GASK1A: variants seen among roughly 807,000 people sequenced by gnomAD.
The protein encoded by GASK1A is Golgi-associated kinase 1A.
In GASK1A, 40 loss-of-function variants were observed where a neutral mutation model predicts 41.2. That is an observed-to-expected ratio of 0.97 (90% CI 0.75 to 1.27). The LOEUF (loss-of-function observed/expected upper bound fraction) is 1.27. GASK1A is among the 50% of genes most tolerant of loss of function. The pLI is 0.00. For missense variants in GASK1A, 678 were observed against 745.1 expected (o/e 0.91, Z 1.05); for synonymous variants, 316 against 307.1 (o/e 1.03, Z -0.30).
chr3:43,027,461 A>T (rs2125684951), intron 1 of GASK1A, among the ~76,000 whole-genome samples: 1 of 152,348 alleles, frequency 6.6e-6, no homozygotes, highest in Non-Finnish European at 1.5e-5. Flanking sequence ...AAAGAATATC[A>T]TTTAAAGCTG....
intron 2 of GASK1A, 55 bp from the exon 3 acceptor site, chr3:43,053,466 C>A: frequency 6.7e-7 from 1 of 1,488,570 alleles, no homozygotes; most frequent in Non-Finnish European, 9.0e-7. Context: ...CCATGCTATG[C>A]CTGGTGGAGG....
At position 43,056,279 on chromosome 3, in the gene GASK1A, G is replaced by A. The variant is rs1334281522; in HGVS notation, c.1621G>A (p.Ala541Thr). 6.4e-7 allele frequency: 1 copy of A among 1,551,728 alleles called. No homozygotes were observed. The highest frequency in any genetic ancestry group is 1.2e-5 in the South Asian group (1 of 84,068). The change falls in exon 5 of 5, where the codon GCC (alanine) becomes ACC (threonine). Residue 541 changes from alanine to threonine, a missense_variant. Physicochemically the swap from Ala to Thr is moderately conservative, Grantham distance 58. Coordinates refer to ENST00000430121, the MANE Select transcript of GASK1A (RefSeq NM_001129908.3). The stretch of plus-strand genomic sequence containing the variant: ...AGTGTTCTGGGAAAGCCAAGGCGGA[G>A]CCCAGGGGCTGAAGCAGGTCCTCCA... ...DPVFWESQGG[A>T]QGLKQVLQTL...
At chr3:43,038,074 A>G (rs1442832895) in intron 2 of GASK1A, among the ~76,000 whole-genome samples, 1 of 152,210 alleles carries the variant, frequency 6.6e-6, no homozygotes, top group Non-Finnish European at 1.5e-5. Context: ...GTACTTTACG[A>G]GCAGGTTAAA....
At chr3:43,004,002 C>T (rs961971907) in intron 1 of GASK1A, among the ~76,000 whole-genome samples, 7 of 152,064 alleles carry the variant, frequency 4.6e-5, no homozygotes, top group Non-Finnish European at 7.4e-5. Flanking sequence ...TTCATTCATT[C>T]GTTTAGGATC....
chr3:43,009,665 T>C (rs1022435983), intron 1 of GASK1A, among the ~76,000 whole-genome samples: 2 of 152,240 alleles, frequency 1.3e-5, no homozygotes, highest in African/African-American at 4.8e-5. Flanking sequence ...TGTGAGAATA[T>C]CTGGAGGCAA....
chr3:43,003,010 A>C (rs1303291035), intron 1 of GASK1A, among the ~76,000 whole-genome samples: 1 of 152,150 alleles, frequency 6.6e-6, no homozygotes, highest in Non-Finnish European at 1.5e-5. Context: ...TTTCTTATTC[A>C]AATGTGCCTG....
At chr3:43,022,212 G>GT (rs973743436) in intron 1 of GASK1A, among the ~76,000 whole-genome samples, 1 of 152,070 alleles carries the variant, frequency 6.6e-6, no homozygotes, top group East Asian at 1.9e-4. Flanking sequence ...TTCAGATGAT[G>GT]TTTTTTTTCA....
At chr3:43,053,396 G>C (rs534284) in intron 2 of GASK1A, 125 bp from the exon 3 acceptor site, 1,110,273 of 1,124,812 alleles carry the variant, frequency 0.99, 548,769 homozygotes, top group East Asian at 1. Flanking sequence ...CAGAGAACCA[G>C]TGAGGGTCAC....
intron 1 of GASK1A, among the ~76,000 whole-genome samples, chr3:42,990,738 GTGT>G (rs2089336662): frequency 6.6e-6 from 1 of 152,172 alleles, no homozygotes; most frequent in Non-Finnish European, 1.5e-5. Context: ...AGTCCTGGCA[GTGT>G]TGTTCTGTGT....
In GASK1A at chr3:43,040,882, C is replaced by CCT. The variant is rs71288034; in HGVS notation, c.1290+7330_1290+7331insTC. On this transcript the variant is annotated intron_variant, in intron 2 of 4. Coordinates refer to ENST00000430121, the MANE Select transcript of GASK1A (RefSeq NM_001129908.3). Reference sequence around the variant, plus strand: ...TATCTCCCAATGCTATCCCTCCCCCCCGCCACAACAGTCCGCAGAGTGTGA... The same window carrying CCT: ...TATCTCCCAATGCTATCCCTCCCCCCCTCGCCACAACAGTCCGCAGAGTGTGA... 1.4e-4 allele frequency among the ~76,000 whole-genome samples: 18 copies of CCT among 129,688 alleles called. 3 individuals carry two copies. Among genetic ancestry groups the CCT allele is most frequent in the South Asian group, 5.3e-4 (2 of 3,788 alleles). The allele number at this position is 129,688 out of a possible 152,430, so 85.1% of individuals were successfully genotyped here.
chr3:43,030,549 T>G (rs745483503), intron 1 of GASK1A, among the ~76,000 whole-genome samples: 1 of 152,204 alleles, frequency 6.6e-6, no homozygotes, highest in Non-Finnish European at 1.5e-5. Flanking sequence ...TGTTTTCATC[T>G]CTGGTTTGTC....
rs142463621 is a variant in GASK1A at position 42,986,382 on chromosome 3, G to T, written c.3+6737G>T. 3.7e-3 allele frequency among the ~76,000 whole-genome samples: 559 copies of T among 152,276 alleles called. 6 individuals carry two copies. The highest frequency in any genetic ancestry group is 0.013 in the African/African-American group (543 of 41,540). On this transcript the variant is annotated intron_variant, in intron 1 of 4. Coordinates refer to ENST00000430121, the MANE Select transcript of GASK1A (RefSeq NM_001129908.3). ...AATTCTGGAGTGATGGAACTGTTGT[G>T]TCCTGACTGTGGTGGTGGACATGCA... is the stretch of plus-strand genomic sequence containing the variant.
At chr3:42,995,546 G>A (rs1024466006) in intron 1 of GASK1A, among the ~76,000 whole-genome samples, 1 of 152,116 alleles carries the variant, frequency 6.6e-6, no homozygotes, top group African/African-American at 2.4e-5. Flanking sequence ...TGTGGGTCCC[G>A]GTTTATAAAC....
In GASK1A at chr3:43,053,558, A is replaced by G. The variant is rs946080382; in HGVS notation, c.1328A>G (p.Glu443Gly). 4 of 1,551,476 alleles carry G rather than the reference A, an allele frequency of 2.6e-6. No individual in the cohort carries two copies. The African/African-American group carries it at 4.1e-5, about 16-fold the overall frequency. Reference sequence around the variant, plus strand: ...TTGGATCGCTACTGCTGTGGCTTCGAGCCTGAGCCCTCAGACCCCTGTGTG... The same window carrying G: ...TTGGATCGCTACTGCTGTGGCTTCGGGCCTGAGCCCTCAGACCCCTGTGTG... ...DRLDRYCCGF[E>G]PEPSDPCVEE... Residue 443 changes from glutamate to glycine, a missense_variant, in exon 3 of 5, where the codon GAG (glutamate) becomes GGG (glycine). Glu to Gly is a moderately conservative substitution (Grantham distance 98). Coordinates refer to ENST00000430121, the MANE Select transcript of GASK1A (RefSeq NM_001129908.3).
At chr3:43,023,361 G>A (rs944969973) in intron 1 of GASK1A, among the ~76,000 whole-genome samples, 2 of 152,218 alleles carry the variant, frequency 1.3e-5, no homozygotes, top group Admixed American at 1.3e-4. Context: ...TGAAACTGAT[G>A]TGGAACTTCT....
intron 1 of GASK1A, among the ~76,000 whole-genome samples, chr3:43,011,624 G>T (rs1012395223): frequency 6.6e-6 from 1 of 152,130 alleles, no homozygotes; most frequent in African/African-American, 2.4e-5. Context: ...GAAGTCACAG[G>T]AAGGAGCAGT....
Position 43,040,879 on chromosome 3 carries a change from C to CCT in GASK1A, c.1290+7327_1290+7328insTC, listed in dbSNP as rs931427698. On this transcript the variant is annotated intron_variant, in intron 2 of 4. Coordinates refer to ENST00000430121, the MANE Select transcript of GASK1A (RefSeq NM_001129908.3). ...GTATATCTCCCAATGCTATCCCTCC[C>CCT]CCCCGCCACAACAGTCCGCAGAGTG... Among the ~76,000 whole-genome samples the CCT allele has an allele frequency of 1.6e-5, 2 of 121,466 alleles. 1 individual carries two copies. Among genetic ancestry groups the CCT allele is most frequent in the East Asian group, 5.8e-4 (2 of 3,420 alleles). The allele number at this position is 121,466 out of a possible 152,430, so 79.7% of individuals were successfully genotyped here. A position where few individuals can be genotyped will look rare whatever the true frequency, so the allele number is the denominator to read the frequency against.
At chr3:42,992,232 C>G (rs1371278120) in intron 1 of GASK1A, among the ~76,000 whole-genome samples, 3 of 152,140 alleles carry the variant, frequency 2.0e-5, no homozygotes, top group Admixed American at 2.0e-4. Context: ...GTCGTAATAT[C>G]TTACTCGGTG....
intron 1 of GASK1A, among the ~76,000 whole-genome samples, chr3:43,020,325 C>T (rs867810481): frequency 2.0e-5 from 3 of 152,178 alleles, no homozygotes; most frequent in Admixed American, 6.5e-5. Flanking sequence ...TTGTATTCAA[C>T]GTTTTCAGAA....
Sources: allele counts gnomAD v4.1 joint callset (sites outside exome capture counted in the v4.1 genomes callset), GRCh38; gene constraint gnomAD v4.1.1; transcripts MANE v1.5; gene names NCBI Gene and HGNC (gene_info 2026-07-23, HGNC 2026-07-21).